LRP1B: variants seen among roughly 807,000 people sequenced by gnomAD.
LRP1B encodes the protein LDL receptor related protein 1B, also known as low-density lipoprotein receptor-related protein 1B.
A neutral mutation model predicts 556.6 loss-of-function variants in LRP1B; 217 were observed. That is an observed-to-expected ratio of 0.39 (90% CI 0.35 to 0.44). The LOEUF (loss-of-function observed/expected upper bound fraction) is 0.44, where lower values mean the gene tolerates loss of function less well. Ranked by LOEUF, LRP1B falls within the 20% of genes least tolerant of loss-of-function variation. LRP1B has a pLI of 1.00. For synonymous variants in LRP1B, 2,047 were observed against 1,865.8 expected (o/e 1.10, Z -2.50); for missense variants, 5,053 against 5,620.8 (o/e 0.90, Z 3.23).
intron 7 of LRP1B, among the ~76,000 whole-genome samples, chr2:141,181,178 A>C (rs1680975355): frequency 6.6e-6 from 1 of 151,982 alleles, no homozygotes; most frequent in Admixed American, 6.6e-5. Flanking sequence ...CTTAACAAAC[A>C]GTACTGTTTT....
intron 3 of LRP1B, among the ~76,000 whole-genome samples, chr2:141,415,396 C>T (rs1691059863): frequency 6.6e-6 from 1 of 152,054 alleles, no homozygotes. Flanking sequence ...ATCTGTGTTC[C>T]TACAAGAGAA....
At position 140,598,679 on chromosome 2, in the gene LRP1B, G is replaced by A. The variant is rs757656540; in HGVS notation, c.7146C>T (p.Gly2382=). The change falls in exon 43 of 91, where the codon GGC becomes GGT. Residue 2382 remains glycine (G), a synonymous_variant. Coordinates refer to ENST00000389484, the MANE Select transcript of LRP1B (RefSeq NM_018557.3). Reference sequence around the variant, plus strand: ...CACACCTTTCAATTTTTCCTAGACTGCCATCTGAGAAATACAGCTTCTCTG... The same window carrying A: ...CACACCTTTCAATTTTTCCTAGACTACCATCTGAGAAATACAGCTTCTCTG... ...YRAEKLYFSD[G]SLGKIERCEY... 2 of 1,613,606 alleles carry A rather than the reference G, an allele frequency of 1.2e-6. No individual in the cohort carries two copies. The highest frequency in any genetic ancestry group is 2.2e-5 in the South Asian group (2 of 91,068).
intron 35 of LRP1B, among the ~76,000 whole-genome samples, chr2:140,760,868 G>A (rs191853721): frequency 1.2e-4 from 18 of 151,944 alleles, no homozygotes; most frequent in Non-Finnish European, 1.8e-4. Context: ...CAGCCTGGGC[G>A]ACACAGTGAG....
chr2:141,036,421 A>T (rs1698533994), intron 11 of LRP1B, among the ~76,000 whole-genome samples: 1 of 152,030 alleles, frequency 6.6e-6, no homozygotes, highest in African/African-American at 2.4e-5. Context: ...AACCCCATCC[A>T]ATCCTGACTC....
At chr2:140,414,518 T>C (rs1685098445) in intron 66 of LRP1B, among the ~76,000 whole-genome samples, 1 of 152,182 alleles carries the variant, frequency 6.6e-6, no homozygotes, top group African/African-American at 2.4e-5. Flanking sequence ...GTAATGCCTC[T>C]ATGGGTTTTG....
intron 41 of LRP1B, among the ~76,000 whole-genome samples, chr2:140,632,750 A>G (rs781562798): frequency 3.9e-5 from 6 of 152,188 alleles, no homozygotes; most frequent in Non-Finnish European, 7.3e-5. Context: ...ACAAGACCCA[A>G]TTATATGTTG....
chr2:141,626,867 C>T (rs149223947), intron 2 of LRP1B, among the ~76,000 whole-genome samples: 1 of 152,274 alleles, frequency 6.6e-6, no homozygotes, highest in Non-Finnish European at 1.5e-5. Flanking sequence ...AAGGATATAG[C>T]CACTTTGGAA....
At chr2:140,492,180 T>C (rs1339053790) in intron 57 of LRP1B, among the ~76,000 whole-genome samples, 2 of 152,184 alleles carry the variant, frequency 1.3e-5, no homozygotes, top group Non-Finnish European at 2.9e-5. Context: ...TATTTAACAC[T>C]TGAGACTAAA....
intron 7 of LRP1B, among the ~76,000 whole-genome samples, chr2:141,175,363 G>A (rs1172308651): frequency 6.6e-6 from 1 of 152,092 alleles, no homozygotes; most frequent in African/African-American, 2.4e-5. Flanking sequence ...GAGAAAAGTG[G>A]TTCCACCCAG....
In LRP1B at chr2:140,431,929, C is replaced by T. The variant is rs117725539; in HGVS notation, c.10414+10575G>A. ...TCTCCATACCACCCCCAAAAATTTT[C>T]GCTGTCCCATCATTTTACCACTATT... is the stretch of plus-strand genomic sequence containing the variant. On this transcript the variant is annotated intron_variant, in intron 66 of 90. Coordinates refer to ENST00000389484, the MANE Select transcript of LRP1B (RefSeq NM_018557.3). 6.9e-3 allele frequency among the ~76,000 whole-genome samples: 1,051 copies of T among 152,178 alleles called. 49 individuals are homozygous for T. The East Asian group carries it at 0.14, about 20-fold the overall frequency.
At position 141,384,648 on chromosome 2, in the gene LRP1B, C is replaced by T. The variant is rs190036891; in HGVS notation, c.343+95748G>A. Among the ~76,000 whole-genome samples, 7 of 152,018 alleles carry T rather than the reference C, an allele frequency of 4.6e-5. 1 individual carries two copies. The East Asian group carries it at 1.4e-3, about 29-fold the overall frequency. On this transcript the variant is annotated intron_variant, in intron 3 of 90. Transcript: ENST00000389484. ...ATGCCCCTAGAGCATAATAGCTCAG[C>T]AGCATGCCACAGGTTGCTCGGGGAA...
At chr2:141,424,627 T>A (rs1328946751) in intron 3 of LRP1B, among the ~76,000 whole-genome samples, 2 of 152,208 alleles carry the variant, frequency 1.3e-5, no homozygotes, top group African/African-American at 4.8e-5. Flanking sequence ...TTAAGTGATA[T>A]GATGTATTTA....
At chr2:141,262,444 A>C (rs893914640) in intron 3 of LRP1B, among the ~76,000 whole-genome samples, 1 of 152,100 alleles carries the variant, frequency 6.6e-6, no homozygotes, top group Non-Finnish European at 1.5e-5. Context: ...AAAATCTTAC[A>C]TTTCATAAAA....
chr2:141,767,001 C>A (rs548034685), intron 2 of LRP1B, among the ~76,000 whole-genome samples: 57 of 152,088 alleles, frequency 3.7e-4, no homozygotes, highest in African/African-American at 1.3e-3. Flanking sequence ...AAGGAGAGAA[C>A]ATAACAATTT....
At chr2:141,998,235 T>C (rs1045251665) in intron 1 of LRP1B, among the ~76,000 whole-genome samples, 1 of 152,126 alleles carries the variant, frequency 6.6e-6, no homozygotes, top group African/African-American at 2.4e-5. Flanking sequence ...TATAATTGTA[T>C]GTTTAACTTG....
At chr2:141,027,572 A>T (rs1698249690) in intron 11 of LRP1B, among the ~76,000 whole-genome samples, 1 of 152,182 alleles carries the variant, frequency 6.6e-6, no homozygotes, top group African/African-American at 2.4e-5. Flanking sequence ...TAAACTCATT[A>T]TGAAAAAACG....
At chr2:142,111,170 T>A (rs1363265053) in intron 1 of LRP1B, among the ~76,000 whole-genome samples, 1 of 152,130 alleles carries the variant, frequency 6.6e-6, no homozygotes, top group African/African-American at 2.4e-5. Flanking sequence ...AAAACTACAA[T>A]AATGCTTAGT....
chr2:140,545,586 A>G (rs113610732), intron 43 of LRP1B, among the ~76,000 whole-genome samples: 23 of 152,156 alleles, frequency 1.5e-4, no homozygotes, highest in African/African-American at 5.3e-4. Flanking sequence ...TGAACACCAG[A>G]CAGTTGTAGG....
At chr2:141,606,702 G>A (rs1687927688) in intron 2 of LRP1B, among the ~76,000 whole-genome samples, 1 of 152,138 alleles carries the variant, frequency 6.6e-6, no homozygotes, top group Admixed American at 6.5e-5. Context: ...ACAGCAAGTA[G>A]CCAGCTGAAT....
Sources: allele counts gnomAD v4.1 joint callset (sites outside exome capture counted in the v4.1 genomes callset), GRCh38; gene constraint gnomAD v4.1.1; transcripts MANE v1.5; gene names NCBI Gene and HGNC (gene_info 2026-07-23, HGNC 2026-07-21).